The following DPH7 variants were observed in gnomAD, a reference collection of about 807,000 sequenced individuals.
The protein encoded by DPH7 is diphthine methyltransferase.
In DPH7, 44 loss-of-function variants were observed where a neutral mutation model predicts 41.7. The observed-to-expected ratio is 1.05, with a 90% CI of 0.83 to 1.36. DPH7 has a LOEUF of 1.36. Ranked by LOEUF, DPH7 falls within the 40% of genes most tolerant of loss-of-function variation. The pLI, the probability that DPH7 is intolerant of heterozygous loss-of-function variation, is 0.00. For synonymous variants in DPH7, 275 were observed against 238.0 expected (o/e 1.16, Z -1.43); for missense variants, 629 against 577.5 (o/e 1.09, Z -0.91).
chr9:137,562,756 C>G (rs932597208), intron 8 of DPH7, among the ~76,000 whole-genome samples: 2 of 151,618 alleles, frequency 1.3e-5, no homozygotes, highest in African/African-American at 4.8e-5. Context: ...CACCTGAGGT[C>G]AGGAGTTCAA....
In DPH7 at chr9:137,564,603, A is replaced by G; in HGVS notation, c.780T>C (p.Tyr260=). The change falls in exon 8 of 9, where the codon TAT becomes TAC. Residue 260 remains tyrosine (Y), a synonymous_variant. Transcript: ENST00000277540. ...TGTCCCACAGTAGGATGTGTTCATC[A>G]TAGCTGAAACCGACCAACCACAGGA... ...HREHILATGS[Y]DEHILLWDTR... 6.2e-7 allele frequency: 1 copy of G among 1,610,154 alleles called. No homozygotes were observed. Among genetic ancestry groups the G allele is most frequent in the Non-Finnish European group, 8.5e-7 (1 of 1,176,772 alleles).
Position 137,578,739 on chromosome 9 carries a change from C to G in DPH7, c.39G>C (p.Glu13Asp), listed in dbSNP as rs1388077295. The G allele has an allele frequency of 1.3e-6, 2 of 1,527,400 alleles. No individual in the cohort carries two copies. Among genetic ancestry groups the G allele is most frequent in the African/African-American group, 1.4e-5 (1 of 69,894 alleles). 94.6% of individuals were successfully genotyped at this position (1,527,400 alleles called of 1,614,324 possible). A position where few individuals can be genotyped will look rare whatever the true frequency, so the allele number is the denominator to read the frequency against. The change falls in exon 1 of 9, where the codon GAG (glutamate) becomes GAC (aspartate). Residue 13 changes from glutamate to aspartate, a missense_variant. By Grantham distance (45) the Glu-to-Asp change is conservative (BLOSUM62 2). Transcript: ENST00000277540. Reference protein sequence around the residue: ...GCFALQTVDTELTADSVEWCP... With the variant: ...GCFALQTVDTDLTADSVEWCP... ...ACCACTCCACCGAGTCCGCGGTCAGCTCGGTGTCCACCGTTTGCAGGGCGA... is the reference window on the plus strand; with the variant it reads ...ACCACTCCACCGAGTCCGCGGTCAGGTCGGTGTCCACCGTTTGCAGGGCGA...
At chr9:137,573,843 G>A (rs1261613954) in intron 5 of DPH7, among the ~76,000 whole-genome samples, 2 of 152,202 alleles carry the variant, frequency 1.3e-5, no homozygotes, top group East Asian at 1.9e-4. Context: ...TGAGGTGGGC[G>A]CATCATGAGG....
chr9:137,564,655 C>A (rs749715534), intron 7 of DPH7, 49 bp from the exon 8 acceptor site: 1 of 1,586,092 alleles, frequency 6.3e-7, no homozygotes, highest in African/African-American at 1.3e-5. Context: ...CCAGGCTCAC[C>A]TGTTCCACAA....
At chr9:137,568,607 G>A (rs1013067802) in intron 5 of DPH7, among the ~76,000 whole-genome samples, 5 of 152,020 alleles carry the variant, frequency 3.3e-5, no homozygotes, top group African/African-American at 1.2e-4. Flanking sequence ...AAGTTCCCCT[G>A]GTGACTTTGC....
At chr9:137,562,093 T>C (rs940981586) in intron 8 of DPH7, among the ~76,000 whole-genome samples, 1 of 152,204 alleles carries the variant, frequency 6.6e-6, no homozygotes, top group Non-Finnish European at 1.5e-5. Context: ...CTCGATCTCC[T>C]GACCTTGTGA....
intron 3 of DPH7, chr9:137,575,777 G>C (rs1350250433): frequency 8.5e-7 from 1 of 1,179,690 alleles, no homozygotes; most frequent in Non-Finnish European, 1.1e-6. Flanking sequence ...CTGGGCCCCA[G>C]CATCAACCTA....
rs374985042 is a variant in DPH7 at position 137,556,908 on chromosome 9, G to A, written c.950-1260C>T. ...ATGAGTGGACGGAAGACACTGTTGC[G>A]ACCCCAAGAATGGGAGGCCCTTTCT... On this transcript the variant is annotated intron_variant, in intron 8 of 8. Coordinates refer to ENST00000277540, the MANE Select transcript of DPH7 (RefSeq NM_138778.5). The surrounding 1 kb of genome is among the most constrained non-coding windows in gnomAD (Gnocchi z 5.2). 9 of 456,140 alleles carry A rather than the reference G, an allele frequency of 2.0e-5. No homozygotes were observed. Among genetic ancestry groups the A allele is most frequent in the South Asian group, 6.2e-5 (4 of 64,538 alleles). 28.3% of individuals were successfully genotyped at this position (456,140 alleles called of 1,614,324 possible).
intron 8 of DPH7, among the ~76,000 whole-genome samples, chr9:137,562,573 A>G (rs1395324691): frequency 6.6e-6 from 1 of 152,232 alleles, no homozygotes; most frequent in African/African-American, 2.4e-5. Flanking sequence ...TCAGAGGAAA[A>G]TGTATCACCA....
At chr9:137,558,524 C>T (rs1177003116) in intron 8 of DPH7, among the ~76,000 whole-genome samples, 1 of 152,158 alleles carries the variant, frequency 6.6e-6, no homozygotes, top group African/African-American at 2.4e-5. Context: ...ACACATGCTC[C>T]AACAGGGGTG....
chr9:137,569,687 CCCACCAT>C (rs1311603907), intron 5 of DPH7, among the ~76,000 whole-genome samples: 3 of 147,002 alleles, frequency 2.0e-5, no homozygotes, highest in South Asian at 4.5e-4. Flanking sequence ...CCACCCACCA[CCCACCAT>C]CCAAAAATCC....
chr9:137,555,279 T>C lies in DPH7; in HGVS notation c.1319A>G (p.Tyr440Cys), dbSNP rs189433169. ...AFSLLATCSF[Y>C]DHALHLWEWE... ...CTCCCAGAGGTGGAGCGCATGGTCA[T>C]AGAAGGAGCAGGTGGCCAGGAGGCT... Residue 440 changes from tyrosine (Y) to cysteine (C), a missense_variant, in exon 9 of 9, where the codon TAT becomes TGT. Physicochemically the swap from Tyr to Cys is radical, Grantham distance 194. Transcript: ENST00000277540. 4.9e-5 allele frequency: 79 copies of C among 1,613,462 alleles called. No homozygotes were observed. In the East Asian group the frequency reaches 8.5e-4, roughly 17 times the overall value.
chr9:137,575,132 C>T (rs957190945), intron 3 of DPH7: 88 of 1,155,966 alleles, frequency 7.6e-5, no homozygotes, highest in East Asian at 3.3e-4. Flanking sequence ...GCCATCCTTG[C>T]GCTCCTAGAT....
intron 3 of DPH7, 155 bp downstream of exon 3, chr9:137,575,925 T>A: frequency 6.9e-7 from 1 of 1,445,144 alleles, no homozygotes; most frequent in African/African-American, 1.4e-5. Context: ...GCAATACAAC[T>A]TAAAAATAGA....
In DPH7 at chr9:137,555,177, G is replaced by C; in HGVS notation, c.*62C>G. On this transcript the variant is annotated 3_prime_UTR_variant, in exon 9 of 9. Transcript: ENST00000277540. Reference sequence around the variant, plus strand: ...TAAGCATCTCTGATGAGGTGGTCCCGGGCACTCACTCGCAGTCTCCCTCCT... The same window carrying C: ...TAAGCATCTCTGATGAGGTGGTCCCCGGCACTCACTCGCAGTCTCCCTCCT... The C allele has an allele frequency of 6.5e-7, 1 of 1,528,958 alleles. No individual in the cohort carries two copies. The highest frequency in any genetic ancestry group is 8.8e-7 in the Non-Finnish European group (1 of 1,136,598). The allele number at this position is 1,528,958 out of a possible 1,614,324, so 94.7% of individuals were successfully genotyped here.
Position 137,556,887 on chromosome 9 carries a change from G to C in DPH7, c.950-1239C>G. 6 of 456,702 alleles carry C rather than the reference G, an allele frequency of 1.3e-5. No individual in the cohort carries two copies. Among genetic ancestry groups the C allele is most frequent in the South Asian group, 9.3e-5 (6 of 64,572 alleles). The allele number at this position is 456,702 out of a possible 1,614,324, so 28.3% of individuals were successfully genotyped here. On this transcript the variant is annotated intron_variant, in intron 8 of 8. Transcript: ENST00000277540. The surrounding 1 kb of genome is among the most constrained non-coding windows in gnomAD (Gnocchi z 5.2). Reference sequence around the variant, plus strand: ...AGCCTGGGAAAAAGACAGCGAATGAGTGGACGGAAGACACTGTTGCGACCC... The same window carrying C: ...AGCCTGGGAAAAAGACAGCGAATGACTGGACGGAAGACACTGTTGCGACCC...
At chr9:137,560,448 T>A (rs1303318315) in intron 8 of DPH7, among the ~76,000 whole-genome samples, 1 of 152,042 alleles carries the variant, frequency 6.6e-6, no homozygotes, top group Admixed American at 6.6e-5. Context: ...TGGCCAGGCG[T>A]GGTGGCTCAT....
At position 137,577,581 on chromosome 9, in the gene DPH7, G is replaced by A; in HGVS notation, c.176C>T (p.Pro59Leu). ...QNKGGMEVKE[P>L]QVRLGRLFLY... ...GAAGAGACGGCCTAAACGGACCTGA[G>A]GCTCCTTAACTTCCATTCCACCCTA... Residue 59 changes from proline to leucine, a missense_variant, in exon 2 of 9, where the codon CCT (proline) becomes CTT (leucine). By Grantham distance (98) the Pro-to-Leu change is moderately conservative. Coordinates refer to ENST00000277540, the MANE Select transcript of DPH7 (RefSeq NM_138778.5). The A allele has an allele frequency of 6.2e-7, 1 of 1,613,918 alleles. No individual in the cohort carries two copies. Among genetic ancestry groups the A allele is most frequent in the Non-Finnish European group, 8.5e-7 (1 of 1,179,928 alleles).
chr9:137,574,992 A>G, intron 3 of DPH7, 149 bp from the exon 4 acceptor site: 1 of 1,441,858 alleles, frequency 6.9e-7, no homozygotes, highest in Non-Finnish European at 9.1e-7. Flanking sequence ...CCTCCACCTA[A>G]CACTGAAACC....
Sources: allele counts gnomAD v4.1 joint callset (sites outside exome capture counted in the v4.1 genomes callset), GRCh38; gene constraint gnomAD v4.1.1; non-coding constraint Gnocchi (gnomAD v3.1); transcripts MANE v1.5; gene names NCBI Gene and HGNC (gene_info 2026-07-23, HGNC 2026-07-21).